The following TMEM178B variants were observed in gnomAD, a reference collection of about 807,000 sequenced individuals.
TMEM178B encodes transmembrane protein 178B.
In TMEM178B, 5 loss-of-function variants were observed where a neutral mutation model predicts 31.0. The ratio of observed to expected loss-of-function variants is 0.16; its 90% CI spans 0.08 to 0.34. TMEM178B has a LOEUF of 0.34. Ranked by LOEUF, TMEM178B falls within the 10% of genes least tolerant of loss-of-function variation. The pLI is 1.00. For missense variants in TMEM178B, 275 were observed against 400.3 expected (o/e 0.69, Z 2.67); for synonymous variants, 164 against 164.0 (o/e 1.00, Z 0.00).
rs138480633 is a variant in TMEM178B at position 141,434,155 on chromosome 7, C to T, written c.497-3453C>T. On this transcript the variant is annotated intron_variant, in intron 2 of 3. Transcript: ENST00000565468. The stretch of plus-strand genomic sequence containing the variant: ...CATTCTCCAACAACTCTCACCTTCC[C>T]TCTTTTTCTAATTTGCATTTCCATT... Among the ~76,000 whole-genome samples the T allele has an allele frequency of 5.7e-3, 866 of 152,354 alleles. 7 individuals carry two copies. The highest frequency in any genetic ancestry group is 0.019 in the African/African-American group (810 of 41,576).
chr7:141,377,768 TC>T (rs766804832), intron 2 of TMEM178B, among the ~76,000 whole-genome samples: 142 of 152,338 alleles, frequency 9.3e-4, no homozygotes, highest in Non-Finnish European at 7.3e-4. Flanking sequence ...ATCTACTGGT[TC>T]TTTTGGAAGT....
the TMEM178B span, among the ~76,000 whole-genome samples, chr7:141,510,351 G>A: frequency 6.6e-6 from 1 of 152,124 alleles, no homozygotes. Context: ...GAGCAAGAAG[G>A]AAACAGAGCA....
At chr7:141,287,771 C>A (rs1269131061) in intron 2 of TMEM178B, among the ~76,000 whole-genome samples, 1 of 152,200 alleles carries the variant, frequency 6.6e-6, no homozygotes, top group Non-Finnish European at 1.5e-5. Flanking sequence ...AATAGTTGAA[C>A]TCATTTAAAG....
At chr7:141,190,708 C>A (rs1230942829) in intron 1 of TMEM178B, among the ~76,000 whole-genome samples, 1 of 152,178 alleles carries the variant, frequency 6.6e-6, no homozygotes, top group Admixed American at 6.5e-5. Context: ...ACTTTCACAC[C>A]ATGGTAAAGT....
At chr7:141,490,752 G>A in the TMEM178B span, among the ~76,000 whole-genome samples, 1 of 152,194 alleles carries the variant, frequency 6.6e-6, no homozygotes, top group Admixed American at 6.5e-5. Context: ...TAACACATCA[G>A]CATAAGGTTG....
intron 2 of TMEM178B, among the ~76,000 whole-genome samples, chr7:141,216,571 G>A (rs780701300): frequency 1.6e-4 from 25 of 152,066 alleles, no homozygotes; most frequent in Admixed American, 5.2e-4. Flanking sequence ...TAGGGAAGAA[G>A]GGTGATCTTT....
chr7:141,207,274 T>C (rs543813197), intron 1 of TMEM178B, among the ~76,000 whole-genome samples: 3 of 152,324 alleles, frequency 2.0e-5, no homozygotes, highest in Non-Finnish European at 4.4e-5. Flanking sequence ...AGTGCAGATA[T>C]CTCTTTGAGA....
chr7:141,335,665 T>TC (rs1799372611), intron 2 of TMEM178B, among the ~76,000 whole-genome samples: 1 of 152,140 alleles, frequency 6.6e-6, no homozygotes, highest in African/African-American at 2.4e-5. Flanking sequence ...GCCTCACCTC[T>TC]CCCCCATTAG....
At chr7:141,217,049 A>G (rs2129188689) in intron 2 of TMEM178B, among the ~76,000 whole-genome samples, 1 of 152,212 alleles carries the variant, frequency 6.6e-6, no homozygotes, top group South Asian at 2.1e-4. Context: ...TTTACGTTTT[A>G]AATATAACAG....
At chr7:141,295,479 A>T (rs747018521) in intron 2 of TMEM178B, among the ~76,000 whole-genome samples, 1 of 152,150 alleles carries the variant, frequency 6.6e-6, no homozygotes, top group African/African-American at 2.4e-5. Flanking sequence ...TATACTCCCA[A>T]GAGGATTCCT....
the TMEM178B span, among the ~76,000 whole-genome samples, chr7:141,503,065 G>A: frequency 6.6e-6 from 1 of 152,172 alleles, no homozygotes; most frequent in Non-Finnish European, 1.5e-5. Context: ...CTCTTCTCCA[G>A]ATGATCTTCC....
At chr7:141,163,258 G>T (rs1447897362) in intron 1 of TMEM178B, among the ~76,000 whole-genome samples, 1 of 152,188 alleles carries the variant, frequency 6.6e-6, no homozygotes, top group Non-Finnish European at 1.5e-5. Flanking sequence ...CATGATAATG[G>T]TGGAAGCCGC....
At chr7:141,398,539 A>G (rs1800697923) in intron 2 of TMEM178B, among the ~76,000 whole-genome samples, 1 of 152,090 alleles carries the variant, frequency 6.6e-6, no homozygotes, top group African/African-American at 2.4e-5. Context: ...TTCCCACCAC[A>G]ATGAGGTTTC....
chr7:141,429,797 C>T (rs1358753611), intron 2 of TMEM178B: 3 of 152,110 alleles, frequency 2.0e-5, no homozygotes, highest in Non-Finnish European at 2.9e-5. Flanking sequence ...TCATGTTGTA[C>T]ATGATAAAAA....
intron 2 of TMEM178B, among the ~76,000 whole-genome samples, chr7:141,266,411 C>T (rs976851910): frequency 9.8e-5 from 15 of 152,320 alleles, no homozygotes; most frequent in African/African-American, 3.6e-4. Flanking sequence ...CTGTTAGTAA[C>T]TCAGAATCCT....
chr7:141,315,901 A>G (rs1798996607), intron 2 of TMEM178B, among the ~76,000 whole-genome samples: 1 of 152,228 alleles, frequency 6.6e-6, no homozygotes, highest in African/African-American at 2.4e-5. Context: ...CCAACTTCCC[A>G]TCAGTATGTA....
At chr7:141,169,575 A>G (rs533709468) in intron 1 of TMEM178B, among the ~76,000 whole-genome samples, 1 of 152,230 alleles carries the variant, frequency 6.6e-6, no homozygotes, top group Non-Finnish European at 1.5e-5. Context: ...CTCTTGGGGT[A>G]ATCAAGGCTC....
intron 1 of TMEM178B, among the ~76,000 whole-genome samples, chr7:141,092,601 G>A (rs1243532797): frequency 1.3e-5 from 2 of 152,138 alleles, no homozygotes; most frequent in Non-Finnish European, 2.9e-5. Context: ...GTCATAATTT[G>A]TACAGGGGGC....
chr7:141,378,390 A>G (rs1800256707), intron 2 of TMEM178B, among the ~76,000 whole-genome samples: 1 of 152,184 alleles, frequency 6.6e-6, no homozygotes, highest in Non-Finnish European at 1.5e-5. Context: ...TTCTCTGGAA[A>G]TGAGTCACTG....
Sources: gnomAD v4.1 joint callset for allele counts (sites outside exome capture counted in the v4.1 genomes callset) on GRCh38, gnomAD v4.1.1 for gene constraint, MANE v1.5 for transcripts, NCBI Gene and HGNC (gene_info 2026-07-23, HGNC 2026-07-21) for gene names.